The following UQCC1 variants were observed in gnomAD, a reference collection of about 807,000 sequenced individuals.
UQCC1 encodes the protein bFGF-repressed Zic-binding protein.
A neutral mutation model predicts 48.0 loss-of-function variants in UQCC1; 38 were observed. The observed-to-expected ratio is 0.79, with a 90% CI of 0.61 to 1.04. UQCC1 has a LOEUF of 1.04. UQCC1 is among the 50% of genes least tolerant of loss of function. The pLI is 0.00. For missense variants in UQCC1, 368 were observed against 381.8 expected (o/e 0.96, Z 0.30); for synonymous variants, 111 against 129.2 (o/e 0.86, Z 0.95).
In UQCC1 at chr20:35,306,708, G is replaced by A. The variant is rs994218462; in HGVS notation, c.723C>T (p.Asp241=). The part of the protein sequence containing the change: ...WRTFFNRKCE[D]PRHLELLVEY... ...CTACCAGCAATTCAAGATGTCGAGG[G>A]TCTTCACATTTCCGGTTGAAGAAGG... Residue 241 remains aspartate, a synonymous_variant, in exon 9 of 10, where the codon GAC becomes GAT. Transcript: ENST00000374385. 4 of 1,613,852 alleles carry A rather than the reference G, an allele frequency of 2.5e-6. No homozygotes were observed. The African/African-American group carries it at 5.3e-5, about 22-fold the overall frequency.
intron 1 of UQCC1, among the ~76,000 whole-genome samples, chr20:35,395,898 C>T (rs901541706): frequency 5.9e-5 from 9 of 151,852 alleles, no homozygotes; most frequent in African/African-American, 2.2e-4. Context: ...TGGGCACGGG[C>T]TCCCTCTGGG....
chr20:35,343,021 A>G (rs965215868), intron 7 of UQCC1, among the ~76,000 whole-genome samples: 3 of 152,212 alleles, frequency 2.0e-5, no homozygotes, highest in African/African-American at 7.2e-5. Context: ...ATGCAAATTT[A>G]TTATTCATCA....
intron 7 of UQCC1, among the ~76,000 whole-genome samples, chr20:35,321,641 G>A (rs1050039463): frequency 1.3e-5 from 2 of 152,122 alleles, no homozygotes; most frequent in African/African-American, 4.8e-5. Context: ...GATCACTTGA[G>A]GCCAGGAGTT....
intron 7 of UQCC1, among the ~76,000 whole-genome samples, chr20:35,329,350 T>C (rs964734473): frequency 1.3e-5 from 2 of 152,172 alleles, no homozygotes; most frequent in Non-Finnish European, 2.9e-5. Flanking sequence ...GAGGCCCTGA[T>C]AGTGGTTGTT....
At position 35,352,861 on chromosome 20, in the gene UQCC1, T is replaced by C. The variant is rs553065349; in HGVS notation, c.465-5589A>G. On this transcript the variant is annotated intron_variant, in intron 6 of 9. Coordinates refer to ENST00000374385, the MANE Select transcript of UQCC1 (RefSeq NM_018244.5). ...CTGAGCCCGGCTAATTTTTTAAATT[T>C]TTTTGTAGAGGCAGGGTCTCACCAT... Among the ~76,000 whole-genome samples the C allele has an allele frequency of 3.6e-4, 55 of 152,264 alleles. 1 individual carries two copies. The highest frequency in any genetic ancestry group is 1.3e-3 in the African/African-American group (55 of 41,554).
chr20:35,338,458 C>T (rs2061337012), intron 7 of UQCC1, among the ~76,000 whole-genome samples: 1 of 152,114 alleles, frequency 6.6e-6, no homozygotes, highest in African/African-American at 2.4e-5. Flanking sequence ...TATTCTCTAG[C>T]TGTATGACCT....
At chr20:35,344,899 C>T (rs996980293) in intron 7 of UQCC1, 1 of 152,190 alleles carries the variant, frequency 6.6e-6, no homozygotes, top group African/African-American at 2.4e-5. Flanking sequence ...TCCCAACCTC[C>T]AAGGAGGGCA....
At chr20:35,340,314 T>G (rs776262440) in intron 7 of UQCC1, among the ~76,000 whole-genome samples, 5 of 152,266 alleles carry the variant, frequency 3.3e-5, no homozygotes, top group Non-Finnish European at 7.3e-5. Flanking sequence ...GGACCCTGCT[T>G]AAATTCGTAA....
At chr20:35,399,777 G>T (rs1277829759) in intron 1 of UQCC1, among the ~76,000 whole-genome samples, 3 of 148,112 alleles carry the variant, frequency 2.0e-5, no homozygotes, top group African/African-American at 7.4e-5. Context: ...AGAATCGCTT[G>T]AACTGGGGAG....
intron 7 of UQCC1, chr20:35,346,950 G>T: frequency 6.7e-7 from 1 of 1,485,086 alleles, no homozygotes; most frequent in South Asian, 1.3e-5. Flanking sequence ...ACTTCACACT[G>T]ACAAATCACT....
At chr20:35,327,768 A>G (rs2425061) in intron 7 of UQCC1, among the ~76,000 whole-genome samples, 73,192 of 151,996 alleles carry the variant, frequency 0.48, 19,371 homozygotes, top group African/African-American at 0.71. Flanking sequence ...TTGGGAGGTT[A>G]AGGCAGGCAG....
chr20:35,381,881 C>T (rs756509053), intron 4 of UQCC1, 37 bp downstream of exon 4: 1 of 1,277,732 alleles, frequency 7.8e-7, no homozygotes, highest in East Asian at 2.3e-5. Flanking sequence ...AGCACAATGC[C>T]CAAAAGGAAA....
intron 7 of UQCC1, among the ~76,000 whole-genome samples, chr20:35,320,165 C>T (rs1014842167): frequency 2.6e-5 from 4 of 152,206 alleles, no homozygotes; most frequent in African/African-American, 7.2e-5. Context: ...TAAGACTTAG[C>T]ACACATATTT....
intron 6 of UQCC1, among the ~76,000 whole-genome samples, chr20:35,363,477 C>A (rs1490372505): frequency 6.6e-6 from 1 of 152,180 alleles, no homozygotes; most frequent in East Asian, 1.9e-4. Context: ...CCTCTAGGAG[C>A]TGGAGGGTGT....
At chr20:35,308,704 A>ATTTGC (rs2060954343) in intron 8 of UQCC1, among the ~76,000 whole-genome samples, 1 of 152,248 alleles carries the variant, frequency 6.6e-6, no homozygotes, top group African/African-American at 2.4e-5. Flanking sequence ...TTATATTCCC[A>ATTTGC]TTTGCTTTGC....
At chr20:35,346,474 C>T in intron 7 of UQCC1, 1 of 163,952 alleles carries the variant, frequency 6.1e-6, no homozygotes, top group South Asian at 1.8e-4. Context: ...GTAACACTCA[C>T]AGCGAAGGTC....
At chr20:35,329,784 T>G (rs1004906645) in intron 7 of UQCC1, among the ~76,000 whole-genome samples, 2 of 152,156 alleles carry the variant, frequency 1.3e-5, no homozygotes, top group African/African-American at 4.8e-5. Flanking sequence ...AGTCTTGTGG[T>G]AGGACATGGA....
intron 1 of UQCC1, chr20:35,410,226 A>T (rs1260310035): frequency 6.6e-6 from 1 of 152,154 alleles, no homozygotes; most frequent in Non-Finnish European, 1.5e-5. Flanking sequence ...GCACGTAGTA[A>T]GTGCCCTATA....
intron 2 of UQCC1, chr20:35,386,505 G>A: frequency 2.7e-6 from 1 of 364,510 alleles, no homozygotes; most frequent in Non-Finnish European, 5.3e-6. Flanking sequence ...AGGACACTTA[G>A]GCTTTAATTC....
Sources: gnomAD v4.1 joint callset for allele counts (sites outside exome capture counted in the v4.1 genomes callset) on GRCh38, gnomAD v4.1.1 for gene constraint, MANE v1.5 for transcripts, NCBI Gene and HGNC (gene_info 2026-07-23, HGNC 2026-07-21) for gene names.